The following LIG4 variants were observed in gnomAD, a reference collection of about 807,000 sequenced individuals.
LIG4 encodes DNA joinase.
Under a neutral mutation model 19.0 loss-of-function variants are expected in LIG4, and 13 were observed. That is an observed-to-expected ratio of 0.68 (90% CI 0.44 to 1.09). LIG4 has a LOEUF of 1.09. Among genes scored for constraint, LIG4 ranks in the 50% least tolerant of loss-of-function variants. The pLI is 0.00. For synonymous variants in LIG4, 361 were observed against 358.2 expected, an observed-to-expected ratio of 1.01 and a Z score of -0.09; for missense variants, 1,026 against 1,089.7, an observed-to-expected ratio of 0.94 and a Z score of 0.82.
rs765951039 is a variant in LIG4 at position 108,208,784 on chromosome 13, G to A, written c.2485C>T (p.Leu829=). Residue 829 remains leucine (L), a synonymous_variant, in exon 3 of 3, where the codon CTG becomes TTG. Coordinates refer to ENST00000442234, the MANE Select transcript of LIG4 (RefSeq NM_206937.2). ...CTTGTCCCCTCATTTTTGGTACTCA[G>A]GTCATTAATAACAGCATACGAGTCC... ...YLDSYAVIND[L]STKNEGTRLA... 20 of 1,614,086 alleles carry A rather than the reference G, an allele frequency of 1.2e-5. No homozygotes were observed. The highest frequency in any genetic ancestry group is 2.2e-5 in the South Asian group (2 of 91,082).
At chr13:108,214,263 G>T (rs1878976090) in intron 2 of LIG4, among the ~76,000 whole-genome samples, 1 of 152,182 alleles carries the variant, frequency 6.6e-6, no homozygotes, top group Admixed American at 6.5e-5. Flanking sequence ...GTTTACAGCT[G>T]CCTATCTTCC....
At chr13:108,214,231 GT>G (rs1421970725) in intron 2 of LIG4, among the ~76,000 whole-genome samples, 6 of 152,172 alleles carry the variant, frequency 3.9e-5, no homozygotes, top group African/African-American at 1.4e-4. Flanking sequence ...TTGACAAGCT[GT>G]GTTTCCCTAG....
In LIG4 at chr13:108,209,933, C is replaced by G. The variant is rs1878432366; in HGVS notation, c.1336G>C (p.Gly446Arg). Residue 446 changes from glycine to arginine, a missense_variant, in exon 3 of 3, where the codon GGG becomes CGG. Transcript: ENST00000442234. ...TACTCTGGTTTAATTTTTAACCACC[C>G]TTCACCTCTTTTGTCTGGCTTGTAG... is the stretch of plus-strand genomic sequence containing the variant. Reference protein sequence around the residue: ...SIYKPDKRGEGWLKIKPEYVS... With the variant: ...SIYKPDKRGERWLKIKPEYVS... 2 of 1,613,904 alleles carry G rather than the reference C, an allele frequency of 1.2e-6. No individual in the cohort carries two copies. Among genetic ancestry groups the G allele is most frequent in the Non-Finnish European group, 1.7e-6 (2 of 1,180,028 alleles).
rs189319839 is a variant in LIG4 at position 108,209,796 on chromosome 13, G to C, written c.1473C>G (p.Pro491=). The C allele has an allele frequency of 7.0e-5, 113 of 1,613,994 alleles. No individual in the cohort carries two copies. In the East Asian group the frequency reaches 2.3e-3, roughly 33 times the overall value. ...ACACAGATGGCTTCTCACCAGGAGGGGGCTTCTCTGCTACTGCACACAGAA... is the reference window on the plus strand; with the variant it reads ...ACACAGATGGCTTCTCACCAGGAGGCGGCTTCTCTGCTACTGCACACAGAA... ...SHFLCAVAEK[P]PPGEKPSVFH... The change falls in exon 3 of 3, where the codon CCC becomes CCG. Residue 491 remains proline (P), a synonymous_variant. Transcript: ENST00000442234.
At position 108,209,945 on chromosome 13, in the gene LIG4, T is replaced by C; in HGVS notation, c.1324A>G (p.Lys442Glu). 3 of 1,614,000 alleles carry C rather than the reference T, an allele frequency of 1.9e-6. No homozygotes were observed. Among genetic ancestry groups the C allele is most frequent in the Non-Finnish European group, 2.5e-6 (3 of 1,180,012 alleles). The change falls in exon 3 of 3, where the codon AAA (lysine) becomes GAA (glutamate). Residue 442 changes from lysine (K) to glutamate (E), a missense_variant. Transcript: ENST00000442234. ...KQPLSIYKPD[K>E]RGEGWLKIKP... ...ATTTTTAACCACCCTTCACCTCTTT[T>C]GTCTGGCTTGTAGATGGATAGAGGT... is the stretch of plus-strand genomic sequence containing the variant.
Position 108,210,241 on chromosome 13 carries a change from A to C in LIG4, c.1028T>G (p.Met343Arg). ...AATATCAAACTTAGTTCCCTTTTGC[A>C]TGAAAGTTTGTGTATTAGGATTATA... ...MAYNPNTQTFMQKGTKFDIKR... is the reference protein window; with the variant it reads ...MAYNPNTQTFRQKGTKFDIKR... The change falls in exon 3 of 3, where the codon ATG becomes AGG. Residue 343 changes from methionine to arginine, a missense_variant. This residue lies in a region of LIG4 where 493 missense variants were observed against 544.5 expected (regional missense o/e 0.91). Coordinates refer to ENST00000442234, the MANE Select transcript of LIG4 (RefSeq NM_206937.2). 2 of 1,613,808 alleles carry C rather than the reference A, an allele frequency of 1.2e-6. No individual in the cohort carries two copies. The highest frequency in any genetic ancestry group is 1.7e-6 in the Non-Finnish European group (2 of 1,179,870).
Position 108,208,715 on chromosome 13 carries a change from CT to C in LIG4, c.2553del (p.Val852Ter). ...ACTCCCTCAGCTAAACAAGAAACTA[CT>C]TTTGCTCCATGAAACCGAAGCTCCA... The part of the protein sequence containing the change: ...KALELRFHGA[K>X]VVSCLAEGVS... On this transcript the variant is annotated frameshift_variant, in exon 3 of 3. Transcript: ENST00000442234. LOFTEE classifies it high-confidence loss of function. 1 of 1,614,204 alleles carries C rather than the reference CT, an allele frequency of 6.2e-7. No homozygotes were observed. The highest frequency in any genetic ancestry group is 1.1e-5 in the South Asian group (1 of 91,082).
chr13:108,210,287 G>A lies in LIG4; in HGVS notation c.982C>T (p.Leu328Phe). 1.9e-6 allele frequency: 3 copies of A among 1,613,900 alleles called. No individual in the cohort carries two copies. The highest frequency in any genetic ancestry group is 2.5e-6 in the Non-Finnish European group (3 of 1,179,886). Residue 328 changes from leucine (L) to phenylalanine (F), a missense_variant, in exon 3 of 3, where the codon CTT becomes TTT. By Grantham distance (22) the Leu-to-Phe change is conservative. This residue lies in a region of LIG4 where 493 missense variants were observed against 544.5 expected (regional missense o/e 0.91). Coordinates refer to ENST00000442234, the MANE Select transcript of LIG4 (RefSeq NM_206937.2). ...TTATAGGCCATCATCTCACCATCAA[G>A]AATACAGATTTGTATATCTGCTTTG... The part of the protein sequence containing the change: ...AFKADIQICI[L>F]DGEMMAYNPN...
chr13:108,212,637 T>C (rs3093752), intron 2 of LIG4, among the ~76,000 whole-genome samples: 2 of 151,772 alleles, frequency 1.3e-5, no homozygotes, highest in South Asian at 4.2e-4. Context: ...GGAGATCTAT[T>C]ACAGTGCAGA....
At position 108,211,045 on chromosome 13, in the gene LIG4, AGCTGAGGAAGAATTAGTCTCATT is replaced by A; in HGVS notation, c.201_223del (p.Met68ArgfsTer10). The A allele has an allele frequency of 1.9e-6, 3 of 1,602,002 alleles. No individual in the cohort carries two copies. Among genetic ancestry groups the A allele is most frequent in the Non-Finnish European group, 2.6e-6 (3 of 1,174,804 alleles). On this transcript the variant is annotated frameshift_variant, in exon 3 of 3. Coordinates refer to ENST00000442234, the MANE Select transcript of LIG4 (RefSeq NM_206937.2). LOFTEE classifies it high-confidence loss of function. ...TCCATAGGCCATTCTCTCTCTTTCTAGCTGAGGAAGAATTAGTCTCATTGCTGGATAAAAAGAGTCTGTGACAT... is the reference window on the plus strand; with the variant it reads ...TCCATAGGCCATTCTCTCTCTTTCTAGCTGGATAAAAAGAGTCTGTGACAT...
chr13:108,210,977 T>C lies in LIG4; in HGVS notation c.292A>G (p.Asn98Asp). ...MLAKLYIELLNLPRDGKDALK... is the reference protein window; with the variant it reads ...MLAKLYIELLDLPRDGKDALK... ...GCATCTTTTCCATCTCTAGGTAAATTAAGCAACTCAATATAAAGCTTAGCA... is the reference window on the plus strand; with the variant it reads ...GCATCTTTTCCATCTCTAGGTAAATCAAGCAACTCAATATAAAGCTTAGCA... Residue 98 changes from asparagine (N) to aspartate (D), a missense_variant, in exon 3 of 3, where the codon AAT (asparagine) becomes GAT (aspartate). This residue lies in a region of LIG4 where 493 missense variants were observed against 544.5 expected (regional missense o/e 0.91). Transcript: ENST00000442234. 6.2e-7 allele frequency: 1 copy of C among 1,612,570 alleles called. No individual in the cohort carries two copies.
Position 108,209,192 on chromosome 13 carries a change from G to C in LIG4, c.2077C>G (p.Pro693Ala). The change falls in exon 3 of 3, where the codon CCA (proline) becomes GCA (alanine). Residue 693 changes from proline (P) to alanine (A), a missense_variant. Pro to Ala is a conservative substitution (Grantham distance 27). Around this residue, in one of 3 missense-constraint regions of LIG4, gnomAD observed 521 missense variants for 515.5 expected, o/e 1.01. Transcript: ENST00000442234. The stretch of plus-strand genomic sequence containing the variant: ...ATTACACAGTACGTGTCTGGGCCTG[G>C]ATTTTGTACTATATAACCACCAAAT... ...AEFGGYIVQN[P>A]GPDTYCVIAG... 6.2e-7 allele frequency: 1 copy of C among 1,614,140 alleles called. No individual in the cohort carries two copies. The highest frequency in any genetic ancestry group is 8.5e-7 in the Non-Finnish European group (1 of 1,180,010).
chr13:108,208,456 A>T lies in LIG4; in HGVS notation c.*77T>A. The T allele has an allele frequency of 1.2e-6, 1 of 828,694 alleles. No homozygotes were observed. Among genetic ancestry groups the T allele is most frequent in the Non-Finnish European group, 2.0e-6 (1 of 507,872 alleles). 51.3% of individuals were successfully genotyped at this position (828,694 alleles called of 1,614,324 possible). A position where few individuals can be genotyped will look rare whatever the true frequency, so the allele number is the denominator to read the frequency against. On this transcript the variant is annotated 3_prime_UTR_variant, in exon 3 of 3. Transcript: ENST00000442234. The stretch of plus-strand genomic sequence containing the variant: ...TTTTTAAGATACAAAAATAAAATGT[A>T]GTTTAGTATTTTATCATTACCACCT...
intron 2 of LIG4, among the ~76,000 whole-genome samples, chr13:108,214,187 G>A (rs1878965029): frequency 1.3e-5 from 2 of 152,166 alleles, no homozygotes; most frequent in African/African-American, 4.8e-5. Flanking sequence ...AGGAGTAAGT[G>A]ACGAATGCAA....
chr13:108,215,910 TCCTC>T (rs1453814809), upstream of LIG4, among the ~76,000 whole-genome samples: 1 of 152,068 alleles, frequency 6.6e-6, no homozygotes, highest in African/African-American at 2.4e-5. Context: ...GAACAGGACA[TCCTC>T]CCAACTCAAA....
rs1462679217 is a variant in LIG4, at chr13:108,208,286, CTGTT to C, written c.*243_*246del. On this transcript the variant is annotated 3_prime_UTR_variant, in exon 3 of 3. Coordinates refer to ENST00000442234, the MANE Select transcript of LIG4 (RefSeq NM_206937.2). ...ATTATAAAAACACCTCTTCTTTAGA[CTGTT>C]TATTTCACCTTGATCATAAAAAATC... 1.0e-5 allele frequency: 4 copies of C among 390,018 alleles called. No individual in the cohort carries two copies. The highest frequency in any genetic ancestry group is 1.1e-4 in the East Asian group (2 of 18,524). The allele number at this position is 390,018 out of a possible 1,614,324, so 24.2% of individuals were successfully genotyped here.
chr13:108,209,304 A>C lies in LIG4; in HGVS notation c.1965T>G (p.Ile655Met), dbSNP rs779382953. 1.9e-6 allele frequency: 3 copies of C among 1,614,080 alleles called. No individual in the cohort carries two copies. Among genetic ancestry groups the C allele is most frequent in the Non-Finnish European group, 2.5e-6 (3 of 1,179,984 alleles). ...ACTCTACATCTTCAAATATATTAGA[A>C]ATTTTGTTAACGTTAGTAAGGTTAG... ...KAPNLTNVNK[I>M]SNIFEDVEFC... Residue 655 changes from isoleucine (I) to methionine (M), a missense_variant, in exon 3 of 3, where the codon ATT becomes ATG. Around this residue, in one of 3 missense-constraint regions of LIG4, gnomAD observed 521 missense variants for 515.5 expected, o/e 1.01. Transcript: ENST00000442234.
chr13:108,217,036 C>T (rs1379389653), upstream of LIG4, among the ~76,000 whole-genome samples: 1 of 152,188 alleles, frequency 6.6e-6, no homozygotes, highest in Non-Finnish European at 1.5e-5. Context: ...AAGAACCCAG[C>T]TTTGACCTGG....
Position 108,210,929 on chromosome 13 carries a change from T to C in LIG4, c.340A>G (p.Thr114Ala). The C allele has an allele frequency of 1.2e-6, 2 of 1,613,960 alleles. No homozygotes were observed. Among genetic ancestry groups the C allele is most frequent in the Non-Finnish European group, 1.7e-6 (2 of 1,179,936 alleles). The change falls in exon 3 of 3, where the codon ACA (threonine) becomes GCA (alanine). Residue 114 changes from threonine to alanine, a missense_variant. Around this residue, in one of 3 missense-constraint regions of LIG4, gnomAD observed 493 missense variants for 544.5 expected, o/e 0.91. Transcript: ENST00000442234. ...GCATCTCCATGAGTTCCAGTGGGTG[T>C]TCTGTAGTTTAAAAGTTTGAGGGCA... ...KDALKLLNYR[T>A]PTGTHGDAGD...
Sources: gnomAD v4.1 joint callset for allele counts (sites outside exome capture counted in the v4.1 genomes callset) on GRCh38, gnomAD v4.1.1 for gene constraint, gnomAD v4.1.1 regional missense constraint, MANE v1.5 for transcripts, NCBI Gene and HGNC (gene_info 2026-07-23, HGNC 2026-07-21) for gene names.